The following KCNIP3 variants were observed in gnomAD, a reference collection of about 807,000 sequenced individuals.
The protein encoded by KCNIP3 is potassium voltage-gated channel interacting protein 3, also known as calsenilin.
KCNIP3 carries 28 observed loss-of-function variants against 35.0 expected under a neutral mutation model. The observed-to-expected ratio is 0.80, with a 90% CI of 0.59 to 1.10. The LOEUF (loss-of-function observed/expected upper bound fraction) is 1.10, where lower values mean the gene tolerates loss of function less well. KCNIP3 is among the 50% of genes least tolerant of loss of function. The pLI is 0.00. For missense variants in KCNIP3, 295 were observed against 338.4 expected (o/e 0.87, Z 1.01); for synonymous variants, 134 against 133.8 (o/e 1.00, Z -0.01).
intron 2 of KCNIP3, among the ~76,000 whole-genome samples, chr2:95,345,749 T>A (rs1282642982): frequency 5.3e-5 from 8 of 152,258 alleles, no homozygotes; most frequent in Non-Finnish European, 1.2e-4. Context: ...GTCTCCGGCC[T>A]CGCGGCTCCA....
chr2:95,322,721 T>C (rs1473801851), intron 2 of KCNIP3, among the ~76,000 whole-genome samples: 2 of 152,150 alleles, frequency 1.3e-5, no homozygotes, highest in African/African-American at 2.4e-5. Context: ...TATCCCGTGA[T>C]TTCTCCCCAC....
chr2:95,329,289 T>G (rs996680624), intron 2 of KCNIP3, among the ~76,000 whole-genome samples: 7 of 152,174 alleles, frequency 4.6e-5, no homozygotes, highest in Non-Finnish European at 8.8e-5. Context: ...ACATCCCACT[T>G]TCTAGAGTAA....
At chr2:95,380,410 C>G (rs1558780309) in intron 5 of KCNIP3, among the ~76,000 whole-genome samples, 1 of 152,214 alleles carries the variant, frequency 6.6e-6, no homozygotes, top group Non-Finnish European at 1.5e-5. Context: ...CTTGAGGGGC[C>G]TCGGGGCCTT....
At chr2:95,373,414 GTTTTT>G (rs70964869) in intron 2 of KCNIP3, among the ~76,000 whole-genome samples, 99 of 60,028 alleles carry the variant, frequency 1.6e-3, no homozygotes, top group Non-Finnish European at 2.3e-3. Flanking sequence ...CAAGTTTGTG[GTTTTT>G]TTTTTTTTTT....
intron 1 of KCNIP3, among the ~76,000 whole-genome samples, chr2:95,302,043 A>G (rs1169288461): frequency 6.6e-6 from 1 of 152,112 alleles, no homozygotes; most frequent in Non-Finnish European, 1.5e-5. Flanking sequence ...AGGCTCCCCA[A>G]AGCTTCCCCA....
intron 1 of KCNIP3, among the ~76,000 whole-genome samples, chr2:95,307,844 C>T (rs1010760008): frequency 2.0e-5 from 3 of 152,246 alleles, no homozygotes; most frequent in South Asian, 2.1e-4. Context: ...TCACCCCCCA[C>T]GCAGAGCCTG....
In KCNIP3 at chr2:95,382,191, C is replaced by T. The variant is rs1680364755; in HGVS notation, c.556-186C>T. Among the ~76,000 whole-genome samples the T allele has an allele frequency of 6.6e-6, 1 of 152,314 alleles. No homozygotes were observed. The highest frequency in any genetic ancestry group is 1.9e-4 in the East Asian group (1 of 5,168). ...ATCTCCCACTTCTCTGGGAGATGAG[C>T]TTCCCCTAGAGTCAGAAGCTCGCTC... On this transcript the variant is annotated intron_variant, in intron 6 of 8. Coordinates refer to ENST00000295225, the MANE Select transcript of KCNIP3 (RefSeq NM_013434.5). The surrounding 1 kb of genome is among the most constrained non-coding windows in gnomAD (Gnocchi z 4.5).
chr2:95,328,733 G>A (rs1194196739), intron 2 of KCNIP3, among the ~76,000 whole-genome samples: 1 of 152,260 alleles, frequency 6.6e-6, no homozygotes, highest in Non-Finnish European at 1.5e-5. Context: ...TGACCGCCAG[G>A]GAGCCTGGCC....
intron 2 of KCNIP3, chr2:95,347,036 T>C: frequency 6.2e-7 from 1 of 1,610,346 alleles, no homozygotes; most frequent in Non-Finnish European, 8.5e-7. Flanking sequence ...ATCCAGGGCA[T>C]GGAGCTGTGC....
intron 2 of KCNIP3, among the ~76,000 whole-genome samples, chr2:95,361,954 G>A (rs920416173): frequency 1.3e-5 from 2 of 152,174 alleles, no homozygotes; most frequent in Non-Finnish European, 2.9e-5. Context: ...TCCCAGCTCT[G>A]GAAAGAAAGT....
chr2:95,359,402 A>G (rs1251335472), intron 2 of KCNIP3, among the ~76,000 whole-genome samples: 2 of 152,226 alleles, frequency 1.3e-5, no homozygotes, highest in Non-Finnish European at 2.9e-5. Context: ...TCCAAAACCA[A>G]CCATGAAGAG....
At chr2:95,315,115 G>C (rs1440836513) in intron 2 of KCNIP3, among the ~76,000 whole-genome samples, 1 of 152,090 alleles carries the variant, frequency 6.6e-6, no homozygotes, top group Non-Finnish European at 1.5e-5. Context: ...CTATGGCGTG[G>C]AGGCACCGTG....
intron 1 of KCNIP3, 118 bp from the exon 2 acceptor site, chr2:95,310,237 G>T: frequency 8.2e-7 from 1 of 1,218,396 alleles, no homozygotes; most frequent in African/African-American, 1.5e-5. Context: ...GCCCCGGAAG[G>T]TGAGCCCTCT....
chr2:95,349,138 T>C (rs1239016700), intron 2 of KCNIP3, among the ~76,000 whole-genome samples: 2 of 151,864 alleles, frequency 1.3e-5, no homozygotes, highest in African/African-American at 4.8e-5. Flanking sequence ...CCAGATGTTC[T>C]GTTGGTGGGG....
intron 5 of KCNIP3, among the ~76,000 whole-genome samples, chr2:95,375,804 C>T (rs535759895): frequency 3.5e-4 from 54 of 152,224 alleles, no homozygotes; most frequent in African/African-American, 1.3e-3. Flanking sequence ...TGGAGAGAGG[C>T]CCCATCTGCG....
intron 2 of KCNIP3, among the ~76,000 whole-genome samples, chr2:95,364,729 T>G (rs1432029315): frequency 6.6e-6 from 1 of 152,104 alleles, no homozygotes; most frequent in Admixed American, 6.5e-5. Flanking sequence ...TGCTCCCTCT[T>G]CACCCTCCAT....
At chr2:95,362,957 C>T (rs1679836886) in intron 2 of KCNIP3, among the ~76,000 whole-genome samples, 1 of 152,210 alleles carries the variant, frequency 6.6e-6, no homozygotes, top group Non-Finnish European at 1.5e-5. Context: ...CTGTTTATTA[C>T]TGAAATTGAG....
intron 2 of KCNIP3, among the ~76,000 whole-genome samples, chr2:95,333,622 A>G (rs1325192690): frequency 5.9e-5 from 9 of 152,160 alleles, no homozygotes; most frequent in Non-Finnish European, 1.5e-5. Context: ...GTTGGTTGCA[A>G]TTGTGACAGC....
At chr2:95,310,820 G>A (rs1678294224) in intron 2 of KCNIP3, 3 of 438,140 alleles carry the variant, frequency 6.8e-6, no homozygotes, top group African/African-American at 2.0e-5. Context: ...CAACAAACCA[G>A]GCTCCACCCT....
Sources: gnomAD v4.1 joint callset for allele counts (sites outside exome capture counted in the v4.1 genomes callset) on GRCh38, gnomAD v4.1.1 for gene constraint, Gnocchi (gnomAD v3.1) non-coding constraint, MANE v1.5 for transcripts, NCBI Gene and HGNC (gene_info 2026-07-23, HGNC 2026-07-21) for gene names.